Variants in GCNT2 observed in about 807,000 individuals in gnomAD.
GCNT2 encodes the protein N-acetyllactosaminide beta-1,6-N-acetylglucosaminyl-transferase.
Under a neutral mutation model 34.2 loss-of-function variants are expected in GCNT2, and 34 were observed. The observed-to-expected ratio is 1.00, with a 90% CI of 0.76 to 1.32. GCNT2 has a LOEUF of 1.32. Ranked by LOEUF, GCNT2 falls within the 40% of genes most tolerant of loss-of-function variation. GCNT2 has a pLI of 0.00. For missense variants in GCNT2, 584 were observed against 489.4 expected (o/e 1.19, Z -1.82); for synonymous variants, 212 against 188.0 (o/e 1.13, Z -1.04).
intron 3 of GCNT2, among the ~76,000 whole-genome samples, chr6:10,615,472 A>G (rs1538653): frequency 0.6 from 90,480 of 151,692 alleles, 27,044 homozygotes; most frequent in East Asian, 0.66. Flanking sequence ...ACATCACAAC[A>G]CCCAGCTAAT....
chr6:10,534,879 TAAGC>T (rs894500513), intron 3 of GCNT2, among the ~76,000 whole-genome samples: 12 of 151,734 alleles, frequency 7.9e-5, no homozygotes, highest in Non-Finnish European at 1.2e-4. Flanking sequence ...GATAAATAAA[TAAGC>T]AAGCAAAACA....
At chr6:10,531,543 G>T (rs1297844190) in intron 3 of GCNT2, among the ~76,000 whole-genome samples, 6 of 152,196 alleles carry the variant, frequency 3.9e-5, no homozygotes, top group South Asian at 2.1e-4. Flanking sequence ...ACAGCCAGGG[G>T]TGTAAACCAT....
rs777856658 is a variant in GCNT2 at position 10,529,138 on chromosome 6, A to C, written c.227A>C (p.Glu76Ala). The stretch of plus-strand genomic sequence containing the variant: ...ACCCTTGATGAAGCTACCTGCTATG[A>C]GTACATGGTTCGAAGCCACTATGTA... ...KTTLDEATCY[E>A]YMVRSHYVTE... The change falls in exon 3 of 5, where the codon GAG becomes GCG. Residue 76 changes from glutamate to alanine, a missense_variant. Transcript: ENST00000495262. 45 of 1,613,994 alleles carry C rather than the reference A, an allele frequency of 2.8e-5. No homozygotes were observed. The highest frequency in any genetic ancestry group is 1.2e-5 in the Non-Finnish European group (14 of 1,179,962).
rs747559415 is a variant in GCNT2 at position 10,529,259 on chromosome 6, G to T, written c.348G>T (p.Ala116=). Residue 116 remains alanine (A), a synonymous_variant, in exon 3 of 5, where the codon GCG becomes GCT. Transcript: ENST00000495262. Reference sequence around the variant, plus strand: ...GCACTTTTGAGAGGCTCTTCAGGGCGATTTATATGCCCCAAAATGTCTACT... The same window carrying T: ...GCACTTTTGAGAGGCTCTTCAGGGCTATTTATATGCCCCAAAATGTCTACT... The part of the protein sequence containing the change: ...DFGTFERLFR[A]IYMPQNVYCV... 2.5e-6 allele frequency: 4 copies of T among 1,614,014 alleles called. No homozygotes were observed. Among genetic ancestry groups the T allele is most frequent in the Non-Finnish European group, 3.4e-6 (4 of 1,180,000 alleles).
intron 3 of GCNT2, among the ~76,000 whole-genome samples, chr6:10,565,743 G>T (rs12199409): frequency 6.6e-6 from 1 of 151,922 alleles, no homozygotes; most frequent in Admixed American, 6.6e-5. Context: ...CACCGGCCAA[G>T]ATAGTATCGC....
chr6:10,612,172 A>T (rs1231817413), intron 3 of GCNT2, among the ~76,000 whole-genome samples: 1 of 152,102 alleles, frequency 6.6e-6, no homozygotes, highest in Non-Finnish European at 1.5e-5. Flanking sequence ...TTTTTAGTAG[A>T]GACAGGCTTT....
chr6:10,556,937 A>G (rs770979858), intron 3 of GCNT2: 4 of 1,614,058 alleles, frequency 2.5e-6, no homozygotes, highest in Admixed American at 3.3e-5. Context: ...CCTGAACTGC[A>G]TCAGAGATCT....
At chr6:10,581,252 T>G (rs1338159279) in intron 3 of GCNT2, among the ~76,000 whole-genome samples, 1 of 152,126 alleles carries the variant, frequency 6.6e-6, no homozygotes, top group African/African-American at 2.4e-5. Context: ...TTTTGTTTTA[T>G]GTATGTATTT....
At position 10,538,422 on chromosome 6, in the gene GCNT2, A is replaced by C. The variant is rs1416876336; in HGVS notation, c.925+8586A>C. 2.2e-5 allele frequency among the ~76,000 whole-genome samples: 3 copies of C among 133,958 alleles called. 1 individual carries two copies. Among genetic ancestry groups the C allele is most frequent in the Non-Finnish European group, 4.6e-5 (3 of 65,564 alleles). The allele number at this position is 133,958 out of a possible 152,430, so 87.9% of individuals were successfully genotyped here. A position where few individuals can be genotyped will look rare whatever the true frequency, so the allele number is the denominator to read the frequency against. The stretch of plus-strand genomic sequence containing the variant: ...AGACTCCGTCTCAAAAAAAAAAAAA[A>C]AAAAAAAAAAAAAAAATATATATAT... On this transcript the variant is annotated intron_variant, in intron 3 of 4. Coordinates refer to ENST00000495262, the MANE Select transcript of GCNT2 (RefSeq NM_145649.5).
chr6:10,581,007 C>G (rs545367503), intron 3 of GCNT2, among the ~76,000 whole-genome samples: 1 of 152,270 alleles, frequency 6.6e-6, no homozygotes, highest in African/African-American at 2.4e-5. Flanking sequence ...GTTGAGCCAA[C>G]TAGAGTGGGC....
At chr6:10,540,985 G>A (rs1762013256) in intron 3 of GCNT2, among the ~76,000 whole-genome samples, 1 of 152,126 alleles carries the variant, frequency 6.6e-6, no homozygotes, top group Non-Finnish European at 1.5e-5. Context: ...CATCCGTTTT[G>A]AGGACTGAAT....
Position 10,558,460 on chromosome 6 carries a change from C to G in GCNT2, c.925+28624C>G, listed in dbSNP as rs368004166. On this transcript the variant is annotated intron_variant, in intron 3 of 4. Transcript: ENST00000495262. ...TTCAAATAAAATAATGAGATCCTAG[C>G]AGAAACTCCTTGCTTTCTCACCCGA... Among the ~76,000 whole-genome samples, 91 of 152,274 alleles carry G rather than the reference C, an allele frequency of 6.0e-4. 2 individuals carry two copies. The South Asian group carries it at 0.013, about 21-fold the overall frequency.
intron 3 of GCNT2, among the ~76,000 whole-genome samples, chr6:10,540,992 G>A (rs1762013346): frequency 6.6e-6 from 1 of 152,138 alleles, no homozygotes; most frequent in Admixed American, 6.6e-5. Context: ...TTTGAGGACT[G>A]AATTTGTATA....
chr6:10,539,655 A>C (rs1761949151), intron 3 of GCNT2, among the ~76,000 whole-genome samples: 1 of 151,348 alleles, frequency 6.6e-6, no homozygotes, highest in African/African-American at 2.4e-5. Flanking sequence ...AGAGAGAGAA[A>C]ACAGATGAAC....
chr6:10,555,495 C>G (rs2113655025), intron 3 of GCNT2, among the ~76,000 whole-genome samples: 1 of 152,318 alleles, frequency 6.6e-6, no homozygotes, highest in East Asian at 1.9e-4. Flanking sequence ...AATCCCCTGT[C>G]TGAGCATCAT....
At chr6:10,586,358 C>T (rs1415346013) in intron 3 of GCNT2, 1 of 1,614,140 alleles carries the variant, frequency 6.2e-7, no homozygotes. Context: ...CCCAAAATGT[C>T]TACTGTGTTC....
At chr6:10,555,450 G>C (rs891012369) in intron 3 of GCNT2, among the ~76,000 whole-genome samples, 1 of 152,244 alleles carries the variant, frequency 6.6e-6, no homozygotes. Flanking sequence ...ATTTGATGCC[G>C]TTCTCTGGGG....
At chr6:10,588,867 G>T (rs1182338299) in intron 3 of GCNT2, among the ~76,000 whole-genome samples, 1 of 146,854 alleles carries the variant, frequency 6.8e-6, no homozygotes, top group Non-Finnish European at 1.5e-5. Context: ...ATGTGTATGT[G>T]TGTGGGGTAT....
At chr6:10,621,318 C>T in intron 3 of GCNT2, 33 bp from the exon 4 acceptor site, 1 of 1,367,726 alleles carries the variant, frequency 7.3e-7, no homozygotes, top group Non-Finnish European at 1.0e-6. Flanking sequence ...TCATGACTCT[C>T]ATCTCTACGC....
Sources: gnomAD v4.1 joint callset for allele counts (sites outside exome capture counted in the v4.1 genomes callset) on GRCh38, gnomAD v4.1.1 for gene constraint, MANE v1.5 for transcripts, NCBI Gene and HGNC (gene_info 2026-07-23, HGNC 2026-07-21) for gene names.